The following COL5A1 variants were observed in gnomAD, a reference collection of about 807,000 sequenced individuals.
The protein encoded by COL5A1 is collagen alpha-1(V) chain.
In COL5A1, 16 loss-of-function variants were observed where a neutral mutation model predicts 263.7. The observed-to-expected ratio is 0.06, with a 90% CI of 0.04 to 0.09. The LOEUF is 0.09. Among genes scored for constraint, COL5A1 ranks in the 10% least tolerant of loss-of-function variants. COL5A1 has a pLI of 1.00. For synonymous variants in COL5A1, 1,012 were observed against 1,004.5 expected (o/e 1.01, Z -0.14); for missense variants, 2,036 against 2,540.5 (o/e 0.80, Z 4.27).
At chr9:134,816,538 G>A (rs927883051) in intron 52 of COL5A1, among the ~76,000 whole-genome samples, 11 of 152,252 alleles carry the variant, frequency 7.2e-5, no homozygotes, top group Middle Eastern at 3.2e-3. Flanking sequence ...CTGGCCAAGC[G>A]CGGGGGACTG....
intron 63 of COL5A1, among the ~76,000 whole-genome samples, chr9:134,829,398 A>G (rs13285389): frequency 2.6e-4 from 31 of 118,724 alleles, no homozygotes; most frequent in African/African-American, 8.8e-4. Context: ...GGCCCAGGTC[A>G]GGCTCCTCAC....
chr9:134,691,223 C>A, intron 2 of COL5A1, 144 bp downstream of exon 2: 1 of 1,071,582 alleles, frequency 9.3e-7, no homozygotes, highest in Non-Finnish European at 1.4e-6. Context: ...CTTCGTTTCA[C>A]TGTAGTGAAA....
At chr9:134,669,350 C>T (rs1446321046) in intron 1 of COL5A1, among the ~76,000 whole-genome samples, 1 of 139,396 alleles carries the variant, frequency 7.2e-6, no homozygotes, top group Non-Finnish European at 1.5e-5. Flanking sequence ...TTCTTTCCAT[C>T]CCTTCTTCCA....
rs1026837658 is a variant in COL5A1, at chr9:134,765,569, A to C, written c.2035-112A>C. 3.2e-6 allele frequency: 3 copies of C among 938,078 alleles called. No homozygotes were observed. In the African/African-American group the frequency reaches 4.9e-5, roughly 15 times the overall value. The allele number at this position is 938,078 out of a possible 1,614,324, so 58.1% of individuals were successfully genotyped here. On this transcript the variant is annotated intron_variant, in intron 20 of 65. Transcript: ENST00000371817. The surrounding 1 kb of genome is among the most constrained non-coding windows in gnomAD (Gnocchi z 5.1). ...CACTCCTGGGAGGCCAGGAGGCCTG[A>C]GTCACCAGCTGGGGTTCTGGGTGGA...
chr9:134,804,783 G>A (rs578064450), intron 39 of COL5A1, among the ~76,000 whole-genome samples, 192 bp from the exon 40 acceptor site: 4 of 152,348 alleles, frequency 2.6e-5, no homozygotes, highest in East Asian at 3.9e-4. Context: ...GCCTTGCTCC[G>A]GGGCTGGTGA....
At chr9:134,763,880 C>G in intron 20 of COL5A1, 143 bp downstream of exon 20, 1 of 820,360 alleles carries the variant, frequency 1.2e-6, no homozygotes, top group Non-Finnish European at 1.9e-6. Context: ...ACCTGGGCAT[C>G]TCCCAGGGAA....
chr9:134,812,422 C>T (rs1447055070), intron 46 of COL5A1, 27 bp from the exon 47 acceptor site: 2 of 1,612,894 alleles, frequency 1.2e-6, no homozygotes, highest in African/African-American at 2.7e-5. Context: ...CAGAACAGCG[C>T]TTAACTGGGA....
intron 32 of COL5A1, among the ~76,000 whole-genome samples, chr9:134,792,294 G>A (rs1023098208): frequency 4.6e-5 from 7 of 152,216 alleles, no homozygotes; most frequent in Admixed American, 1.3e-4. Flanking sequence ...CCAGTGTGGG[G>A]CAGGAATGGG....
At position 134,795,108 on chromosome 9, in the gene COL5A1, G is replaced by T. The variant is rs1199097494; in HGVS notation, c.2727G>T (p.Arg909=). The stretch of plus-strand genomic sequence containing the variant: ...GGACCCCTGGAAAGCCAGGACCGCG[G>T]GGGCAGCGAGGCCCAACGGTAACCA... The part of the protein sequence containing the change: ...GRGTPGKPGP[R]GQRGPTGPRG... The change falls in exon 33 of 66, where the codon CGG becomes CGT. Residue 909 remains arginine (R), a synonymous_variant. Transcript: ENST00000371817. 1 of 1,614,082 alleles carries T rather than the reference G, an allele frequency of 6.2e-7. No individual in the cohort carries two copies. Among genetic ancestry groups the T allele is most frequent in the South Asian group, 1.1e-5 (1 of 91,076 alleles).
chr9:134,708,228 C>T (rs1351125013), intron 4 of COL5A1, among the ~76,000 whole-genome samples: 1 of 152,148 alleles, frequency 6.6e-6, no homozygotes, highest in Non-Finnish European at 1.5e-5. Flanking sequence ...CACTCCACCG[C>T]CTCGGGCAGC....
rs1424958673 is a variant in COL5A1, at chr9:134,839,278, G to A, written c.5371-2879G>A. Among the ~76,000 whole-genome samples, 3 of 152,216 alleles carry A rather than the reference G, an allele frequency of 2.0e-5. No homozygotes were observed. The East Asian group carries it at 5.8e-4, about 29-fold the overall frequency. ...CAGCTTTCGGCGCCTCTGGGGGGCCGTTCTGGCCTGTAATGGTTATTTATA... is the reference window on the plus strand; with the variant it reads ...CAGCTTTCGGCGCCTCTGGGGGGCCATTCTGGCCTGTAATGGTTATTTATA... On this transcript the variant is annotated intron_variant, in intron 65 of 65. Transcript: ENST00000371817.
chr9:134,728,592 G>A, intron 5 of COL5A1, 78 bp from the exon 6 acceptor site: 2 of 1,602,294 alleles, frequency 1.2e-6, no homozygotes, highest in Non-Finnish European at 1.7e-6. Flanking sequence ...CAGATCTGGA[G>A]GTTGCGGAAG....
At position 134,758,761 on chromosome 9, in the gene COL5A1, C is replaced by T. The variant is rs540538810; in HGVS notation, c.1935+465C>T. On this transcript the variant is annotated intron_variant, in intron 18 of 65. Transcript: ENST00000371817. This position sits in a 1 kb window ranked among gnomAD's most constrained non-coding sequence, Gnocchi z 4.1. ...CAGGTCACGAAAACATGCCAGGTGTCCCCCTGTTCCCTGTTAATGGGCGTG... is the reference window on the plus strand; with the variant it reads ...CAGGTCACGAAAACATGCCAGGTGTTCCCCTGTTCCCTGTTAATGGGCGTG... 5.3e-5 allele frequency among the ~76,000 whole-genome samples: 8 copies of T among 152,254 alleles called. No individual in the cohort carries two copies. The highest frequency in any genetic ancestry group is 1.7e-4 in the African/African-American group (7 of 41,528).
chr9:134,768,038 T>A (rs1319624745), intron 24 of COL5A1, among the ~76,000 whole-genome samples: 1 of 152,194 alleles, frequency 6.6e-6, no homozygotes, highest in Non-Finnish European at 1.5e-5. Flanking sequence ...GGGGTGTTGA[T>A]GTGAACAGAC....
chr9:134,801,413 G>C (rs1332604906), intron 37 of COL5A1, among the ~76,000 whole-genome samples: 3 of 152,248 alleles, frequency 2.0e-5, no homozygotes, highest in South Asian at 4.1e-4. Context: ...TTGGTGACAT[G>C]ATAAAGGCGA....
chr9:134,754,192 A>C lies in COL5A1; in HGVS notation c.1774-81A>C. 1 of 1,484,726 alleles carries C rather than the reference A, an allele frequency of 6.7e-7. No individual in the cohort carries two copies. The highest frequency in any genetic ancestry group is 1.1e-5 in the South Asian group (1 of 88,124). The allele number at this position is 1,484,726 out of a possible 1,614,324, so 92.0% of individuals were successfully genotyped here. A position where few individuals can be genotyped will look rare whatever the true frequency, so the allele number is the denominator to read the frequency against. On this transcript the variant is annotated intron_variant, in intron 15 of 65. Coordinates refer to ENST00000371817, the MANE Select transcript of COL5A1 (RefSeq NM_000093.5). This position sits in a 1 kb window ranked among gnomAD's most constrained non-coding sequence, Gnocchi z 4.3. Reference sequence around the variant, plus strand: ...GGACAGCCAGGCATGGGCAGGGTCGATGAGCACAGGGACAAGGCTTTGCTC... The same window carrying C: ...GGACAGCCAGGCATGGGCAGGGTCGCTGAGCACAGGGACAAGGCTTTGCTC...
intron 1 of COL5A1, among the ~76,000 whole-genome samples, chr9:134,671,204 C>T (rs552997904): frequency 9.8e-5 from 15 of 152,340 alleles, no homozygotes; most frequent in Non-Finnish European, 1.6e-4. Flanking sequence ...GCGCATGAGA[C>T]ACCTGGAGAG....
intron 35 of COL5A1, 42 bp from the exon 36 acceptor site, chr9:134,796,806 G>T: frequency 6.3e-7 from 1 of 1,592,738 alleles, no homozygotes; most frequent in South Asian, 1.1e-5. Flanking sequence ...AGCTGCTCGG[G>T]AGAGACCTCT....
intron 29 of COL5A1, among the ~76,000 whole-genome samples, chr9:134,783,770 G>C (rs1451398889): frequency 2.0e-5 from 3 of 152,172 alleles, no homozygotes; most frequent in South Asian, 2.1e-4. Context: ...AGGAAGGAGG[G>C]GATCTCTTGC....
Sources: allele counts gnomAD v4.1 joint callset (sites outside exome capture counted in the v4.1 genomes callset), GRCh38; gene constraint gnomAD v4.1.1; non-coding constraint Gnocchi (gnomAD v3.1); transcripts MANE v1.5; gene names NCBI Gene and HGNC (gene_info 2026-07-23, HGNC 2026-07-21).